E2F5: variants seen among roughly 807,000 people sequenced by gnomAD.
E2F5 encodes transcription factor E2F5.
Under a neutral mutation model 39.1 loss-of-function variants are expected in E2F5, and 23 were observed. That is an observed-to-expected ratio of 0.59 (90% CI 0.42 to 0.83). The LOEUF (loss-of-function observed/expected upper bound fraction) is 0.83, where lower values mean the gene tolerates loss of function less well. Among genes scored for constraint, E2F5 ranks in the 40% least tolerant of loss-of-function variants. The pLI is 0.00. For synonymous variants in E2F5, 145 were observed against 157.8 expected, an observed-to-expected ratio of 0.92 and a Z score of 0.61; for missense variants, 365 against 406.7, an observed-to-expected ratio of 0.90 and a Z score of 0.88.
chr8:85,188,242 A>G (rs1354918383), intron 1 of E2F5, among the ~76,000 whole-genome samples: 1 of 149,858 alleles, frequency 6.7e-6, no homozygotes, highest in Non-Finnish European at 1.5e-5. Context: ...TAAATTGCTT[A>G]TATCTTTAGT....
At chr8:85,196,110 G>C (rs941466015) in intron 1 of E2F5, among the ~76,000 whole-genome samples, 1 of 152,152 alleles carries the variant, frequency 6.6e-6, no homozygotes, top group Non-Finnish European at 1.5e-5. Context: ...TTTAAGGAGA[G>C]ATTTCCTTGT....
intron 1 of E2F5, among the ~76,000 whole-genome samples, chr8:85,197,942 A>G (rs1380338374): frequency 6.6e-6 from 1 of 152,206 alleles, no homozygotes; most frequent in Non-Finnish European, 1.5e-5. Flanking sequence ...AGTGCTGTCC[A>G]GCGTTCCTTC....
At chr8:85,196,456 G>A (rs1812583024) in intron 1 of E2F5, among the ~76,000 whole-genome samples, 1 of 152,086 alleles carries the variant, frequency 6.6e-6, no homozygotes, top group Non-Finnish European at 1.5e-5. Flanking sequence ...AATAATAAGT[G>A]GAAATTAAGA....
At chr8:85,184,686 A>G (rs1460023673) in intron 1 of E2F5, among the ~76,000 whole-genome samples, 3 of 152,246 alleles carry the variant, frequency 2.0e-5, no homozygotes, top group African/African-American at 4.8e-5. Context: ...TACAAAATCA[A>G]TGTGCAAAAA....
chr8:85,204,194 T>C (rs1367623419), intron 3 of E2F5, among the ~76,000 whole-genome samples: 1 of 152,162 alleles, frequency 6.6e-6, no homozygotes, highest in Non-Finnish European at 1.5e-5. Flanking sequence ...TAATCTATTT[T>C]ATCTTGGACT....
intron 1 of E2F5, among the ~76,000 whole-genome samples, chr8:85,189,244 A>G (rs541078039): frequency 1.2e-4 from 19 of 152,372 alleles, no homozygotes; most frequent in Middle Eastern, 6.8e-3. Flanking sequence ...AAAGGTTAAT[A>G]TACTCTAGAG....
intron 1 of E2F5, among the ~76,000 whole-genome samples, chr8:85,191,441 C>CA (rs1361129490): frequency 8.6e-5 from 13 of 151,590 alleles, no homozygotes; most frequent in African/African-American, 1.2e-4. Flanking sequence ...TTACCACACA[C>CA]AAAAAAAATG....
chr8:85,187,994 G>T (rs935431235), intron 1 of E2F5, among the ~76,000 whole-genome samples: 1 of 152,090 alleles, frequency 6.6e-6, no homozygotes, highest in Non-Finnish European at 1.5e-5. Flanking sequence ...TTACAATGCG[G>T]TATTTTAAGC....
At chr8:85,178,145 A>G (rs1391219438) in intron 1 of E2F5, 1 of 152,066 alleles carries the variant, frequency 6.6e-6, no homozygotes, top group African/African-American at 2.4e-5. Flanking sequence ...AACAAAACCC[A>G]GTCTGCCATC....
intron 1 of E2F5, among the ~76,000 whole-genome samples, chr8:85,183,639 G>A (rs1812269423): frequency 6.6e-6 from 1 of 152,206 alleles, no homozygotes; most frequent in Non-Finnish European, 1.5e-5. Context: ...GGTGAAATAA[G>A]CCAGTCACAA....
intron 1 of E2F5, among the ~76,000 whole-genome samples, chr8:85,198,843 G>C (rs1339086930): frequency 6.6e-6 from 1 of 152,130 alleles, no homozygotes; most frequent in East Asian, 1.9e-4. Flanking sequence ...TCTCCCCTAA[G>C]CACACACTCT....
chr8:85,186,276 A>G (rs1464551299), intron 1 of E2F5, among the ~76,000 whole-genome samples: 2 of 151,900 alleles, frequency 1.3e-5, no homozygotes, highest in African/African-American at 4.8e-5. Context: ...ACCAAACACC[A>G]CATGTTCTCA....
chr8:85,196,272 G>A (rs1489652985), intron 1 of E2F5, among the ~76,000 whole-genome samples: 1 of 152,012 alleles, frequency 6.6e-6, no homozygotes, highest in African/African-American at 2.4e-5. Context: ...CCACCTCCAG[G>A]AACTATTTCC....
chr8:85,183,034 G>A (rs758739560), intron 1 of E2F5, among the ~76,000 whole-genome samples: 2 of 152,128 alleles, frequency 1.3e-5, no homozygotes, highest in African/African-American at 2.4e-5. Flanking sequence ...GGCAGATCAC[G>A]AGGTCGGGAG....
At chr8:85,189,934 C>T (rs1812424137) in intron 1 of E2F5, among the ~76,000 whole-genome samples, 1 of 152,174 alleles carries the variant, frequency 6.6e-6, no homozygotes, top group African/African-American at 2.4e-5. Flanking sequence ...CTACCTGAGC[C>T]TTACGCTTCA....
chr8:85,210,734 A>G (rs4150967), intron 6 of E2F5, among the ~76,000 whole-genome samples: 2,484 of 152,236 alleles, frequency 0.016, 60 homozygotes, highest in African/African-American at 0.055. Context: ...TTAGGATATA[A>G]AGCAGGCAAG....
intron 5 of E2F5, among the ~76,000 whole-genome samples, chr8:85,208,712 T>A (rs1812850216): frequency 6.6e-6 from 1 of 152,196 alleles, no homozygotes; most frequent in Admixed American, 6.5e-5. Context: ...GTAGGAGAAA[T>A]TAGTTGTCTT....
At position 85,177,376 on chromosome 8, in the gene E2F5, G is replaced by A. The variant is rs1281066827; in HGVS notation, c.-45G>A. 2.0e-6 allele frequency: 2 copies of A among 986,720 alleles called. No individual in the cohort carries two copies. The highest frequency in any genetic ancestry group is 3.5e-5 in the African/African-American group (2 of 57,044). 61.1% of individuals were successfully genotyped at this position (986,720 alleles called of 1,614,324 possible). On this transcript the variant is annotated 5_prime_UTR_variant, in exon 1 of 8. Coordinates refer to ENST00000416274, the MANE Select transcript of E2F5 (RefSeq NM_001951.4). ...GCAGGTGGCCGCGGGCGGGGCCGGC[G>A]AGCGAAAGTGCGCGGGGGCCCGACC...
chr8:85,212,422 TA>T, intron 7 of E2F5: 1 of 496,816 alleles, frequency 2.0e-6, no homozygotes, highest in Non-Finnish European at 3.6e-6. Context: ...CATATGGGGA[TA>T]CTTCTCACCT....
Sources: gnomAD v4.1 joint callset for allele counts (sites outside exome capture counted in the v4.1 genomes callset) on GRCh38, gnomAD v4.1.1 for gene constraint, MANE v1.5 for transcripts, NCBI Gene and HGNC (gene_info 2026-07-23, HGNC 2026-07-21) for gene names.